IGLL5: variants seen among roughly 807,000 people sequenced by gnomAD.
The protein encoded by IGLL5 is immunoglobulin lambda-like polypeptide 5.
IGLL5 carries 30 observed loss-of-function variants against 20.9 expected under a neutral mutation model. The observed-to-expected ratio is 1.44, with a 90% confidence interval of 1.07 to 1.95. The LOEUF (loss-of-function observed/expected upper bound fraction) is 1.95, where lower values mean the gene tolerates loss of function less well. Ranked by LOEUF, IGLL5 falls within the 30% of genes most tolerant of loss-of-function variation. The pLI is 0.00. For missense variants in IGLL5, 475 were observed against 270.7 expected (o/e 1.75, Z -5.30); for synonymous variants, 203 against 117.3 (o/e 1.73, Z -4.72).
In IGLL5 at chr22:22,888,262, A is replaced by G. The variant is rs190640992; in HGVS notation, c.206+3A>G. On this transcript the variant is annotated splice_donor_region_variant and intron_variant, in intron 1 of 2. Transcript: ENST00000526893. ...AGCCTGCGGAGCCTGTGGGGCAGGT[A>G]AGGGGCAAGAGATTCCAGGGGATGT... 1.8e-5 allele frequency: 28 copies of G among 1,546,898 alleles called. 1 individual carries two copies. The highest frequency in any genetic ancestry group is 4.8e-5 in the South Asian group (4 of 83,862).
intron 2 of IGLL5, among the ~76,000 whole-genome samples, chr22:22,894,258 G>A (rs561373035): frequency 4.0e-5 from 6 of 151,166 alleles, no homozygotes; most frequent in South Asian, 2.1e-4. Flanking sequence ...TCTAGGCTGA[G>A]GACTGGATGC....
At chr22:22,889,117 C>T (rs1399399787) in intron 1 of IGLL5, among the ~76,000 whole-genome samples, 4 of 151,148 alleles carry the variant, frequency 2.6e-5, no homozygotes, top group South Asian at 2.1e-4. Context: ...TTGGAAAAAT[C>T]AGCACCGGAT....
chr22:22,888,446 A>C (rs989900911), intron 1 of IGLL5, among the ~76,000 whole-genome samples, 187 bp downstream of exon 1: 2 of 151,432 alleles, frequency 1.3e-5, no homozygotes, highest in Admixed American at 6.6e-5. Context: ...ACTGTTTTTA[A>C]TATCATATTA....
At chr22:22,889,426 C>G (rs2067717781) in intron 1 of IGLL5, among the ~76,000 whole-genome samples, 1 of 151,244 alleles carries the variant, frequency 6.6e-6, no homozygotes, top group Non-Finnish European at 1.5e-5. Context: ...AATTCCACTT[C>G]TAGGAATTTA....
chr22:22,888,355 G>C lies in IGLL5; in HGVS notation c.206+96G>C, dbSNP rs183314435. On this transcript the variant is annotated intron_variant, in intron 1 of 2. Transcript: ENST00000526893. ...ACAAGCCAGAGGAGTGAGGAGGAAG[G>C]TTAACCCCTAAGAGGGGCCTGGGCT... 1.6e-5 allele frequency: 19 copies of C among 1,171,514 alleles called. 1 individual carries two copies. Among genetic ancestry groups the C allele is most frequent in the Admixed American group, 9.1e-5 (4 of 44,028 alleles). 72.6% of individuals were successfully genotyped at this position (1,171,514 alleles called of 1,614,324 possible).
In IGLL5 at chr22:22,888,090, C is replaced by G; in HGVS notation, c.37C>G (p.Pro13Ala). Residue 13 changes from proline (P) to alanine (A), a missense_variant, in exon 1 of 3, where the codon CCT becomes GCT. By Grantham distance (27) the Pro-to-Ala change is conservative. Coordinates refer to ENST00000526893, the MANE Select transcript of IGLL5 (RefSeq NM_001178126.2). ...PKTGQVGCET[P>A]EELGPGPRQR... ...GACAGGCCAAGTGGGTTGTGAGACCCCTGAGGAGCTGGGCCCTGGTCCCAG... is the reference window on the plus strand; with the variant it reads ...GACAGGCCAAGTGGGTTGTGAGACCGCTGAGGAGCTGGGCCCTGGTCCCAG... The G allele has an allele frequency of 6.5e-7, 1 of 1,549,340 alleles. No individual in the cohort carries two copies. Among genetic ancestry groups the G allele is most frequent in the Non-Finnish European group, 8.7e-7 (1 of 1,146,598 alleles).
At chr22:22,888,801 G>A (rs115668075) in intron 1 of IGLL5, among the ~76,000 whole-genome samples, 2,180 of 151,426 alleles carry the variant, frequency 0.014, 57 homozygotes, top group African/African-American at 0.05. Flanking sequence ...GGGATGAACC[G>A]AGGGGAGCTG....
intron 2 of IGLL5, among the ~76,000 whole-genome samples, chr22:22,894,398 T>G (rs1601626065): frequency 2.6e-5 from 4 of 151,322 alleles, no homozygotes; most frequent in South Asian, 2.1e-4. Flanking sequence ...CATGAGGACA[T>G]GGGGACACAG....
intron 2 of IGLL5, among the ~76,000 whole-genome samples, chr22:22,894,807 A>T (rs561181161): frequency 1.3e-5 from 2 of 151,272 alleles, no homozygotes; most frequent in African/African-American, 4.8e-5. Flanking sequence ...AGGCTTGTCT[A>T]GGTGGAGCCC....
At chr22:22,890,465 TAA>T (rs1175480646) in intron 1 of IGLL5, among the ~76,000 whole-genome samples, 1 of 149,892 alleles carries the variant, frequency 6.7e-6, no homozygotes, top group African/African-American at 2.4e-5. Flanking sequence ...TCATTGCTTA[TAA>T]ACTTTGTTTT....
intron 1 of IGLL5, among the ~76,000 whole-genome samples, 166 bp downstream of exon 1, chr22:22,888,425 T>C (rs559175228): frequency 3.3e-5 from 5 of 151,448 alleles, no homozygotes; most frequent in East Asian, 2.0e-4. Context: ...CATCACAGAT[T>C]TGTTTGAATT....
chr22:22,894,264 G>A (rs1171230742), intron 2 of IGLL5, among the ~76,000 whole-genome samples: 6 of 151,194 alleles, frequency 4.0e-5, no homozygotes, highest in East Asian at 4.1e-4. Context: ...CTGAGGACTG[G>A]ATGCCAATCC....
intron 2 of IGLL5, among the ~76,000 whole-genome samples, chr22:22,894,964 T>C (rs762477): frequency 0.014 from 2,052 of 151,378 alleles, 57 homozygotes; most frequent in African/African-American, 0.047. Context: ...GGACCCACAG[T>C]TCACGGAGGA....
intron 2 of IGLL5, among the ~76,000 whole-genome samples, chr22:22,894,487 G>A (rs555341524): frequency 2.6e-5 from 4 of 151,494 alleles, no homozygotes; most frequent in East Asian, 2.0e-4. Flanking sequence ...GTCTCTTAGG[G>A]CAGAGATGTG....
chr22:22,889,176 G>A (rs1183205917), intron 1 of IGLL5, among the ~76,000 whole-genome samples: 2 of 151,048 alleles, frequency 1.3e-5, no homozygotes, highest in East Asian at 2.0e-4. Flanking sequence ...AGGGGGTGAT[G>A]GCCAAGTCCA....
At chr22:22,894,746 T>G (rs1601628439) in intron 2 of IGLL5, among the ~76,000 whole-genome samples, 1 of 151,084 alleles carries the variant, frequency 6.6e-6, no homozygotes, top group African/African-American at 2.4e-5. Context: ...AAGGGTTCTG[T>G]GGTCGGGCTT....
chr22:22,889,018 A>G (rs1270151238), intron 1 of IGLL5, among the ~76,000 whole-genome samples: 5 of 151,380 alleles, frequency 3.3e-5, no homozygotes, highest in East Asian at 2.0e-4. Flanking sequence ...GGAGGCAAGA[A>G]GACCATAGGG....
intron 2 of IGLL5, among the ~76,000 whole-genome samples, chr22:22,894,287 C>T (rs1203331033): frequency 2.0e-5 from 3 of 151,194 alleles, no homozygotes; most frequent in Middle Eastern, 3.8e-3. Flanking sequence ...CCTGGGAGGG[C>T]CACACGGCCT....
chr22:22,894,716 C>G (rs1044734854), intron 2 of IGLL5, among the ~76,000 whole-genome samples: 2 of 151,362 alleles, frequency 1.3e-5, no homozygotes, highest in East Asian at 4.0e-4. Flanking sequence ...GTGGGAGCAG[C>G]CCCAGGAACA....
Sources: gnomAD v4.1 joint callset for allele counts (sites outside exome capture counted in the v4.1 genomes callset) on GRCh38, gnomAD v4.1.1 for gene constraint, MANE v1.5 for transcripts, NCBI Gene and HGNC (gene_info 2026-07-23, HGNC 2026-07-21) for gene names.